CYTH3: variants seen among roughly 807,000 people sequenced by gnomAD.
The protein encoded by CYTH3 is cytohesin 3, also known as cytohesin-3.
Under a neutral mutation model 55.1 loss-of-function variants are expected in CYTH3, and 23 were observed. That is an observed-to-expected ratio of 0.42 (90% CI 0.30 to 0.59). CYTH3 has a LOEUF of 0.59. CYTH3 is among the 20% of genes least tolerant of loss of function. CYTH3 has a pLI of 0.20. For synonymous variants in CYTH3, 249 were observed against 194.9 expected (o/e 1.28, Z -2.31); for missense variants, 413 against 524.8 (o/e 0.79, Z 2.08).
chr7:6,268,463 C>T (rs536263935), intron 1 of CYTH3, among the ~76,000 whole-genome samples: 63 of 152,332 alleles, frequency 4.1e-4, no homozygotes, highest in African/African-American at 1.5e-3. Flanking sequence ...AGCCGCCGCG[C>T]CCGGCCTGCT....
chr7:6,189,718 G>A (rs1165664807), intron 2 of CYTH3, among the ~76,000 whole-genome samples: 4 of 152,100 alleles, frequency 2.6e-5, no homozygotes, highest in African/African-American at 9.7e-5. Context: ...AAATGGAACA[G>A]GCAATGTTCT....
At chr7:6,180,254 T>C (rs1243734445) in intron 4 of CYTH3, among the ~76,000 whole-genome samples, 4 of 152,138 alleles carry the variant, frequency 2.6e-5, no homozygotes. Flanking sequence ...GGCATGAGGC[T>C]CCCATGCCTT....
chr7:6,266,097 C>A (rs1340875015), intron 1 of CYTH3, among the ~76,000 whole-genome samples: 2 of 152,102 alleles, frequency 1.3e-5, no homozygotes, highest in Non-Finnish European at 2.9e-5. Flanking sequence ...CCCACTACCA[C>A]CCTAACCCAC....
In CYTH3 at chr7:6,171,133, C is replaced by T. The variant is rs1453200935; in HGVS notation, c.562+69G>A. ...AGGAACACACGCTGGGCTGTGCCCACAGGGGCCGCCCCCTCCAGAGCTGGA... is the reference window on the plus strand; with the variant it reads ...AGGAACACACGCTGGGCTGTGCCCATAGGGGCCGCCCCCTCCAGAGCTGGA... On this transcript the variant is annotated intron_variant, in intron 7 of 12. Coordinates refer to ENST00000350796, the MANE Select transcript of CYTH3 (RefSeq NM_004227.4). The surrounding 1 kb of genome is among the most constrained non-coding windows in gnomAD (Gnocchi z 6.7). 4 of 1,593,332 alleles carry T rather than the reference C, an allele frequency of 2.5e-6. No individual in the cohort carries two copies. Among genetic ancestry groups the T allele is most frequent in the Non-Finnish European group, 3.4e-6 (4 of 1,163,162 alleles).
chr7:6,172,850 C>T (rs1252546866), intron 6 of CYTH3: 17 of 1,274,554 alleles, frequency 1.3e-5, no homozygotes, highest in South Asian at 3.8e-5. Flanking sequence ...CCCCAGGCTG[C>T]GCTGTGAGCA....
At chr7:6,263,466 C>A (rs771270991) in intron 1 of CYTH3, among the ~76,000 whole-genome samples, 2 of 152,116 alleles carry the variant, frequency 1.3e-5, no homozygotes, top group Admixed American at 1.3e-4. Flanking sequence ...ACCTCAGTAC[C>A]GTTTGTAACA....
chr7:6,206,347 C>G (rs779654703), intron 1 of CYTH3, among the ~76,000 whole-genome samples: 1 of 152,218 alleles, frequency 6.6e-6, no homozygotes, highest in Non-Finnish European at 1.5e-5. Flanking sequence ...GAGCCAGCCA[C>G]AGAAGACCAC....
intron 1 of CYTH3, among the ~76,000 whole-genome samples, chr7:6,196,384 C>T (rs182844440): frequency 2.6e-5 from 4 of 151,842 alleles, no homozygotes; most frequent in African/African-American, 9.7e-5. Flanking sequence ...AATAAAGAAG[C>T]AAGCAGGCAG....
rs1780698377 is a variant in CYTH3 at position 6,272,607 on chromosome 7, C to T, written c.-100G>A. ...GGAGCGCGCAGGCGACCGGGCGGCT[C>T]CTCAGCGCGCGGCCCGGGTCGCGGC... is the stretch of plus-strand genomic sequence containing the variant. On this transcript the variant is annotated 5_prime_UTR_variant, in exon 1 of 13. Coordinates refer to ENST00000350796, the MANE Select transcript of CYTH3 (RefSeq NM_004227.4). 1 of 933,004 alleles carries T rather than the reference C, an allele frequency of 1.1e-6. No homozygotes were observed. The allele number at this position is 933,004 out of a possible 1,614,324, so 57.8% of individuals were successfully genotyped here. A position where few individuals can be genotyped will look rare whatever the true frequency, so the allele number is the denominator to read the frequency against.
intron 4 of CYTH3, among the ~76,000 whole-genome samples, chr7:6,182,663 T>G (rs1783532484): frequency 1.3e-5 from 2 of 152,178 alleles, no homozygotes; most frequent in Admixed American, 1.3e-4. Flanking sequence ...CATACCACCA[T>G]GCCTGGCTTA....
intron 6 of CYTH3, among the ~76,000 whole-genome samples, chr7:6,172,500 C>T (rs1380093003): frequency 2.6e-5 from 4 of 152,170 alleles, no homozygotes; most frequent in Non-Finnish European, 4.4e-5. Context: ...ACAGGCTTGC[C>T]GTGCCCCTCA....
At chr7:6,196,554 C>T (rs936474055) in intron 1 of CYTH3, among the ~76,000 whole-genome samples, 1 of 149,220 alleles carries the variant, frequency 6.7e-6, no homozygotes, top group Admixed American at 6.7e-5. Flanking sequence ...TCACCTCCCA[C>T]ATTCAAGTGA....
chr7:6,170,992 G>C lies in CYTH3; in HGVS notation c.563-14C>G. 2 of 1,613,194 alleles carry C rather than the reference G, an allele frequency of 1.2e-6. No homozygotes were observed. Among genetic ancestry groups the C allele is most frequent in the Non-Finnish European group, 8.5e-7 (1 of 1,179,800 alleles). On this transcript the variant is annotated splice_polypyrimidine_tract_variant and intron_variant, in intron 7 of 12. Coordinates refer to ENST00000350796, the MANE Select transcript of CYTH3 (RefSeq NM_004227.4). The surrounding 1 kb of genome is among the most constrained non-coding windows in gnomAD (Gnocchi z 7.8). ...CGTAGCACGTGTCTGCAACGAGTCCGGGGTGCTGGGCTCAGCCAGAACCTC... is the reference window on the plus strand; with the variant it reads ...CGTAGCACGTGTCTGCAACGAGTCCCGGGTGCTGGGCTCAGCCAGAACCTC...
intron 4 of CYTH3, among the ~76,000 whole-genome samples, chr7:6,180,223 C>A (rs1159077197): frequency 6.6e-6 from 1 of 152,154 alleles, no homozygotes; most frequent in African/African-American, 2.4e-5. Flanking sequence ...CAGCTGAAGC[C>A]CAGGGAACTG....
At chr7:6,184,702 C>T (rs1783592850) in intron 4 of CYTH3, among the ~76,000 whole-genome samples, 1 of 152,082 alleles carries the variant, frequency 6.6e-6, no homozygotes, top group African/African-American at 2.4e-5. Context: ...CCTCAGCCTC[C>T]CGAGTAGCTG....
At chr7:6,224,949 G>T (rs1338663123) in intron 1 of CYTH3, among the ~76,000 whole-genome samples, 1 of 152,202 alleles carries the variant, frequency 6.6e-6, no homozygotes, top group Admixed American at 6.5e-5. Context: ...AGATGCAAAA[G>T]ACCACATACT....
chr7:6,190,691 G>A (rs987721706), intron 1 of CYTH3, among the ~76,000 whole-genome samples, 160 bp from the exon 2 acceptor site: 4 of 152,024 alleles, frequency 2.6e-5, no homozygotes, highest in African/African-American at 7.2e-5. Context: ...TCATAGGAGC[G>A]CTCTTTATAA....
intron 1 of CYTH3, among the ~76,000 whole-genome samples, chr7:6,208,421 C>T (rs1228131851): frequency 1.3e-5 from 2 of 152,214 alleles, no homozygotes; most frequent in African/African-American, 4.8e-5. Flanking sequence ...ATGCAGTAGT[C>T]AAGGACAGTT....
Position 6,171,426 on chromosome 7 carries a change from C to T in CYTH3, c.450-112G>A, listed in dbSNP as rs937997632. 4.6e-6 allele frequency: 4 copies of T among 877,560 alleles called. No homozygotes were observed. The highest frequency in any genetic ancestry group is 1.7e-5 in the African/African-American group (1 of 60,028). The allele number at this position is 877,560 out of a possible 1,614,324, so 54.4% of individuals were successfully genotyped here. On this transcript the variant is annotated intron_variant, in intron 6 of 12. Coordinates refer to ENST00000350796, the MANE Select transcript of CYTH3 (RefSeq NM_004227.4). The surrounding 1 kb of genome is among the most constrained non-coding windows in gnomAD (Gnocchi z 6.7). ...ACGTTTTCCTCCCGAGCCTGGGGTA[C>T]AGCTCTGGCAGGGGCTTGGGGGCGC...
Sources: allele counts gnomAD v4.1 joint callset (sites outside exome capture counted in the v4.1 genomes callset), GRCh38; gene constraint gnomAD v4.1.1; non-coding constraint Gnocchi (gnomAD v3.1); transcripts MANE v1.5; gene names NCBI Gene and HGNC (gene_info 2026-07-23, HGNC 2026-07-21).